The following RUNX1T1 variants were observed in gnomAD, a reference collection of about 807,000 sequenced individuals.
The protein encoded by RUNX1T1 is protein CBFA2T1.
A neutral mutation model predicts 62.8 loss-of-function variants in RUNX1T1; 4 were observed. That is an observed-to-expected ratio of 0.06 (90% confidence interval 0.03 to 0.15). The LOEUF is 0.15. Ranked by LOEUF, RUNX1T1 falls within the 10% of genes least tolerant of loss-of-function variation. RUNX1T1 has a pLI of 1.00. For missense variants in RUNX1T1, 508 were observed against 754.3 expected (o/e 0.67, Z 3.82); for synonymous variants, 291 against 286.0 (o/e 1.02, Z -0.18).
chr8:91,959,449 T>A (rs71504355), exon 11 of RUNX1T1: 2 of 118,704 alleles, frequency 1.7e-5, no homozygotes, highest in East Asian at 1.1e-4. Flanking sequence ...TGTGTGTGTG[T>A]GTGTGTGTGT....
At chr8:91,980,256 T>G (rs1050358762) in intron 8 of RUNX1T1, among the ~76,000 whole-genome samples, 1 of 152,346 alleles carries the variant, frequency 6.6e-6, no homozygotes, top group East Asian at 1.9e-4. Context: ...ATTTGCATTA[T>G]GAAGTCAGCT....
intron 1 of RUNX1T1, among the ~76,000 whole-genome samples, chr8:92,025,703 T>A (rs1429853545): frequency 6.6e-6 from 1 of 152,230 alleles, no homozygotes; most frequent in Non-Finnish European, 1.5e-5. Context: ...TATTTGTTTT[T>A]ATAGTCCCAG....
intron 1 of RUNX1T1, among the ~76,000 whole-genome samples, chr8:92,080,274 G>A (rs746628085): frequency 1.3e-5 from 2 of 152,130 alleles, no homozygotes; most frequent in Non-Finnish European, 2.9e-5. Flanking sequence ...AAACCTTTCC[G>A]TGGCTACTTC....
chr8:92,005,481 C>T (rs1201751063), intron 4 of RUNX1T1, 184 bp from the exon 6 acceptor site: 1 of 560,888 alleles, frequency 1.8e-6, no homozygotes, highest in Non-Finnish European at 3.1e-6. Context: ...CGCAGATTGC[C>T]CTAAGTGTGA....
intron 1 of RUNX1T1, among the ~76,000 whole-genome samples, chr8:92,036,751 T>C (rs1009682425): frequency 6.6e-6 from 1 of 152,156 alleles, no homozygotes; most frequent in Non-Finnish European, 1.5e-5. Flanking sequence ...CCCTGGAAAA[T>C]GTGGTTATGT....
chr8:91,982,326 A>C lies in RUNX1T1; in HGVS notation c.1198+3798T>G, dbSNP rs116330124. Among the ~76,000 whole-genome samples the C allele has an allele frequency of 8.1e-3, 1,237 of 152,210 alleles. 17 individuals carry two copies. Among genetic ancestry groups the C allele is most frequent in the African/African-American group, 0.029 (1,186 of 41,530 alleles). ...CACACAGATACAAGACAAACTACAG[A>C]AAGATTCTAGAATAGTCAAAAGCCA... On this transcript the variant is annotated intron_variant, in intron 8 of 10. Transcript: ENST00000396218.
intron 10 of RUNX1T1, among the ~76,000 whole-genome samples, chr8:91,965,797 A>T (rs1454507045): frequency 1.3e-5 from 2 of 151,688 alleles, no homozygotes. Flanking sequence ...CATAGTCACT[A>T]CTCTAATTCT....
At chr8:92,032,466 T>C (rs986108344) in intron 1 of RUNX1T1, among the ~76,000 whole-genome samples, 6 of 151,984 alleles carry the variant, frequency 3.9e-5, no homozygotes, top group Non-Finnish European at 8.8e-5. Context: ...ACAATAACCA[T>C]GATGAGCCAA....
intron 1 of RUNX1T1, among the ~76,000 whole-genome samples, chr8:92,030,794 A>G (rs796211967): frequency 6.6e-6 from 1 of 152,136 alleles, no homozygotes; most frequent in South Asian, 2.1e-4. Flanking sequence ...ATTCTCTTGG[A>G]CCCTGGCCCT....
At chr8:91,982,670 TG>T (rs1238644708) in intron 8 of RUNX1T1, among the ~76,000 whole-genome samples, 2 of 152,216 alleles carry the variant, frequency 1.3e-5, no homozygotes, top group African/African-American at 4.8e-5. Context: ...TGTTAAAATT[TG>T]CTTTCTAATT....
At chr8:92,069,209 T>G (rs1312121697) in intron 2 of RUNX1T1, among the ~76,000 whole-genome samples, 2 of 152,050 alleles carry the variant, frequency 1.3e-5, no homozygotes, top group Non-Finnish European at 2.9e-5. Context: ...AAAAGTTACT[T>G]TCAATGCATT....
chr8:92,064,325 A>G (rs4458918), upstream of RUNX1T1, among the ~76,000 whole-genome samples: 27,586 of 152,156 alleles, frequency 0.18, 2,640 homozygotes, highest in Middle Eastern at 0.22. Flanking sequence ...ACCACAATTC[A>G]TAACGATTAC....
At chr8:91,967,049 G>A (rs1811782980) in intron 10 of RUNX1T1, among the ~76,000 whole-genome samples, 1 of 152,190 alleles carries the variant, frequency 6.6e-6, no homozygotes, top group African/African-American at 2.4e-5. Flanking sequence ...CACTGAGCAA[G>A]TGGCCTAATC....
At chr8:92,052,046 C>A (rs987453126) in intron 1 of RUNX1T1, among the ~76,000 whole-genome samples, 1 of 152,142 alleles carries the variant, frequency 6.6e-6, no homozygotes, top group Non-Finnish European at 1.5e-5. Context: ...GAGGCAGAGG[C>A]CACAAAGCGT....
chr8:92,099,229 GTTA>G (rs1186129755), intron 1 of RUNX1T1, among the ~76,000 whole-genome samples: 3 of 152,072 alleles, frequency 2.0e-5, no homozygotes, highest in African/African-American at 7.2e-5. Context: ...ATTTTAAGTT[GTTA>G]TTAACATGTA....
chr8:92,062,479 A>G, intron 1 of RUNX1T1: 1 of 1,534,820 alleles, frequency 6.5e-7, no homozygotes, highest in Non-Finnish European at 9.0e-7. Flanking sequence ...GGTATTTTCC[A>G]TGCATAATAG....
exon 11 of RUNX1T1, chr8:91,958,992 T>C (rs912450426): frequency 2.0e-5 from 4 of 201,298 alleles, no homozygotes; most frequent in Non-Finnish European, 4.1e-5. Context: ...ATATCACTAA[T>C]ACATACAGAT....
intron 1 of RUNX1T1, among the ~76,000 whole-genome samples, chr8:92,037,603 C>T (rs527532849): frequency 3.9e-5 from 6 of 152,156 alleles, no homozygotes; most frequent in African/African-American, 9.6e-5. Flanking sequence ...TGCTTGAGAC[C>T]GGGAGGTCAA....
At chr8:92,050,086 G>GA (rs982985347) in intron 1 of RUNX1T1, among the ~76,000 whole-genome samples, 4 of 149,150 alleles carry the variant, frequency 2.7e-5, no homozygotes, top group East Asian at 2.0e-4. Flanking sequence ...ATGTCTTGAG[G>GA]AAAAAAAAAG....
Sources: allele counts gnomAD v4.1 joint callset (sites outside exome capture counted in the v4.1 genomes callset), GRCh38; gene constraint gnomAD v4.1.1; transcripts MANE v1.5; gene names NCBI Gene and HGNC (gene_info 2026-07-23, HGNC 2026-07-21).